MRPS28: variants seen among roughly 807,000 people sequenced by gnomAD.
MRPS28 encodes mitochondrial ribosomal protein S28.
In MRPS28, 7 loss-of-function variants were observed where a neutral mutation model predicts 10.8. The ratio of observed to expected loss-of-function variants is 0.65; its 90% confidence interval spans 0.37 to 1.22. The LOEUF (loss-of-function observed/expected upper bound fraction) is 1.22, where lower values mean the gene tolerates loss of function less well. Ranked by LOEUF, MRPS28 falls within the 50% of genes most tolerant of loss-of-function variation. The pLI is 0.02. For synonymous variants in MRPS28, 121 were observed against 93.3 expected, an observed-to-expected ratio of 1.30 and a Z score of -1.71; for missense variants, 265 against 232.9, an observed-to-expected ratio of 1.14 and a Z score of -0.90.
rs868526351 is a variant in MRPS28, at chr8:79,923,731, T to G, written c.396-4583A>C. ...TTAACTTCAAGTGCTTGCTTCTGAC[T>G]GATCTTTGTGAACTCCAGCCTAAAT... On this transcript the variant is annotated intron_variant, in intron 2 of 2. Coordinates refer to ENST00000276585, the MANE Select transcript of MRPS28 (RefSeq NM_014018.3). Among the ~76,000 whole-genome samples, 7 of 152,296 alleles carry G rather than the reference T, an allele frequency of 4.6e-5. No homozygotes were observed. The Middle Eastern group carries it at 0.017, about 370-fold the overall frequency.
At chr8:79,982,701 G>C (rs192814112) in intron 2 of MRPS28, among the ~76,000 whole-genome samples, 1 of 152,198 alleles carries the variant, frequency 6.6e-6, no homozygotes, top group Non-Finnish European at 1.5e-5. Flanking sequence ...AGGCGGCAGC[G>C]AGGCTGAGGG....
At chr8:79,941,186 G>A (rs894517491) in intron 2 of MRPS28, among the ~76,000 whole-genome samples, 6 of 152,118 alleles carry the variant, frequency 3.9e-5, no homozygotes, top group Admixed American at 2.0e-4. Flanking sequence ...TGAGACTCCA[G>A]TCTCAACTCT....
At chr8:79,977,153 A>G (rs751087736) in intron 2 of MRPS28, among the ~76,000 whole-genome samples, 2 of 152,256 alleles carry the variant, frequency 1.3e-5, no homozygotes, top group African/African-American at 2.4e-5. Context: ...GATTAAAACC[A>G]TATTATGTAC....
chr8:79,919,921 A>G (rs934936570), intron 2 of MRPS28, among the ~76,000 whole-genome samples: 30 of 144,220 alleles, frequency 2.1e-4, no homozygotes, highest in Middle Eastern at 3.5e-3. Flanking sequence ...TACGTTAGGT[A>G]TATCTCCTAA....
intron 2 of MRPS28, among the ~76,000 whole-genome samples, chr8:79,984,552 T>C (rs983995053): frequency 3.3e-5 from 5 of 152,086 alleles, no homozygotes; most frequent in Non-Finnish European, 5.9e-5. Flanking sequence ...CAGACACACA[T>C]AGGCTCAAAA....
Position 79,918,963 on chromosome 8 carries a change from C to A in MRPS28, c.*17G>T. 6.7e-7 allele frequency: 1 copy of A among 1,495,498 alleles called. No individual in the cohort carries two copies. The highest frequency in any genetic ancestry group is 8.9e-7 in the Non-Finnish European group (1 of 1,119,646). 92.6% of individuals were successfully genotyped at this position (1,495,498 alleles called of 1,614,324 possible). On this transcript the variant is annotated 3_prime_UTR_variant, in exon 3 of 3. Transcript: ENST00000276585. ...ACTGACTTCAGCAAAGGAGTCAATC[C>A]ACTAAGCAAAGTTCATTTATTTTTC...
At chr8:79,975,670 A>G (rs897142788) in intron 2 of MRPS28, among the ~76,000 whole-genome samples, 1 of 152,194 alleles carries the variant, frequency 6.6e-6, no homozygotes, top group Admixed American at 6.5e-5. Flanking sequence ...GTGCAAATTA[A>G]ATCAATAATG....
chr8:79,936,928 C>G (rs1228738910), intron 2 of MRPS28, among the ~76,000 whole-genome samples: 4 of 151,976 alleles, frequency 2.6e-5, no homozygotes, highest in African/African-American at 9.7e-5. Flanking sequence ...TGGTGCTATC[C>G]CAGTTAACTG....
At chr8:79,954,091 C>T (rs756372938) in intron 2 of MRPS28, among the ~76,000 whole-genome samples, 11 of 151,912 alleles carry the variant, frequency 7.2e-5, no homozygotes, top group Admixed American at 1.3e-4. Context: ...ACTACTATAT[C>T]CCTGAAGCCA....
chr8:80,008,956 C>T (rs1318830082), intron 1 of MRPS28, among the ~76,000 whole-genome samples: 1 of 152,194 alleles, frequency 6.6e-6, no homozygotes, highest in East Asian at 1.9e-4. Flanking sequence ...AATCATGCTG[C>T]TATAAACACA....
intron 2 of MRPS28, among the ~76,000 whole-genome samples, chr8:79,936,524 A>G (rs1464376809): frequency 6.6e-6 from 1 of 152,216 alleles, no homozygotes; most frequent in Non-Finnish European, 1.5e-5. Context: ...CAATACAAGT[A>G]AAAAGAGATG....
intron 2 of MRPS28, among the ~76,000 whole-genome samples, chr8:79,953,349 G>T (rs373747762): frequency 8.1e-4 from 123 of 152,282 alleles, no homozygotes; most frequent in African/African-American, 2.7e-3. Flanking sequence ...TTTGGAGCTG[G>T]ATGTATTAAG....
intron 1 of MRPS28, among the ~76,000 whole-genome samples, chr8:80,009,993 C>G (rs1056004541): frequency 1.3e-5 from 2 of 152,122 alleles, no homozygotes; most frequent in African/African-American, 4.8e-5. Context: ...TCTTTTTAAA[C>G]AACTTGAATT....
intron 2 of MRPS28, among the ~76,000 whole-genome samples, chr8:79,928,335 T>G (rs1039411383): frequency 6.6e-6 from 1 of 152,022 alleles, no homozygotes; most frequent in East Asian, 1.9e-4. Context: ...TGTCTAAAAT[T>G]AAATTAAATT....
intron 2 of MRPS28, among the ~76,000 whole-genome samples, chr8:79,947,141 C>T (rs1806939889): frequency 6.6e-6 from 1 of 152,022 alleles, no homozygotes; most frequent in Non-Finnish European, 1.5e-5. Context: ...TATACGCAAG[C>T]AAAAATTAGT....
At chr8:79,931,855 A>C (rs765323150) in intron 2 of MRPS28, among the ~76,000 whole-genome samples, 1 of 152,222 alleles carries the variant, frequency 6.6e-6, no homozygotes, top group Non-Finnish European at 1.5e-5. Context: ...AATTAAGCTT[A>C]ACTTTGGTGG....
In MRPS28 at chr8:80,008,870, T is replaced by A. The variant is rs536473978; in HGVS notation, c.214-5690A>T. Among the ~76,000 whole-genome samples the A allele has an allele frequency of 2.0e-5, 3 of 152,332 alleles. No individual in the cohort carries two copies. The South Asian group carries it at 6.2e-4, about 32-fold the overall frequency. ...ACCATTGTGGAAGACAGTGTGGCAA[T>A]TCCTCAAGGATCTAGAACTAGAAAT... On this transcript the variant is annotated intron_variant, in intron 1 of 2. Transcript: ENST00000276585.
At chr8:80,010,821 AC>A (rs1417791461) in intron 1 of MRPS28, among the ~76,000 whole-genome samples, 1 of 152,240 alleles carries the variant, frequency 6.6e-6, no homozygotes, top group Non-Finnish European at 1.5e-5. Context: ...TACTTGGTGA[AC>A]TGAAACACAC....
intron 2 of MRPS28, among the ~76,000 whole-genome samples, chr8:79,922,628 G>T (rs1382539787): frequency 6.6e-6 from 1 of 152,034 alleles, no homozygotes; most frequent in Non-Finnish European, 1.5e-5. Context: ...GAATGAAAAT[G>T]TAATGCCAGC....
Sources: allele counts gnomAD v4.1 joint callset (sites outside exome capture counted in the v4.1 genomes callset), GRCh38; gene constraint gnomAD v4.1.1; transcripts MANE v1.5; gene names NCBI Gene and HGNC (gene_info 2026-07-23, HGNC 2026-07-21).